Variants in ADAP1 observed in about 807,000 individuals in gnomAD.
ADAP1 encodes the protein ArfGAP with dual PH domains 1, also known as arf-GAP with dual PH domain-containing protein 1.
In ADAP1, 31 loss-of-function variants were observed where a neutral mutation model predicts 54.9. The ratio of observed to expected loss-of-function variants is 0.56; its 90% confidence interval spans 0.42 to 0.76. The LOEUF is 0.76. ADAP1 is among the 30% of genes least tolerant of loss of function. ADAP1 has a pLI of 0.00. For missense variants in ADAP1, 535 were observed against 512.4 expected, an observed-to-expected ratio of 1.04 and a Z score of -0.42; for synonymous variants, 313 against 202.6, an observed-to-expected ratio of 1.55 and a Z score of -4.63.
At chr7:909,991 T>G (rs1232658336) in intron 4 of ADAP1, among the ~76,000 whole-genome samples, 1 of 152,218 alleles carries the variant, frequency 6.6e-6, no homozygotes, top group African/African-American at 2.4e-5. Context: ...GGAGCCCTTC[T>G]GCCCACCGCA....
intron 3 of ADAP1, among the ~76,000 whole-genome samples, chr7:923,685 C>A (rs1846267914): frequency 6.6e-6 from 1 of 152,166 alleles, no homozygotes; most frequent in African/African-American, 2.4e-5. Context: ...CTGGAGGGAC[C>A]CCAGTGTGTG....
At chr7:950,130 C>G (rs1227473136) in intron 1 of ADAP1, among the ~76,000 whole-genome samples, 1 of 152,200 alleles carries the variant, frequency 6.6e-6, no homozygotes, top group Non-Finnish European at 1.5e-5. Flanking sequence ...GAAATCCCAG[C>G]ACTCGCCACA....
chr7:921,141 C>T (rs1846178775), intron 3 of ADAP1, among the ~76,000 whole-genome samples: 1 of 152,192 alleles, frequency 6.6e-6, no homozygotes, highest in African/African-American at 2.4e-5. Flanking sequence ...AGGCGTCGGC[C>T]GAGCTGGTCC....
Position 898,775 on chromosome 7 carries a change from A to C in ADAP1, c.*146T>G. 9.3e-7 allele frequency: 1 copy of C among 1,069,522 alleles called. No individual in the cohort carries two copies. Among genetic ancestry groups the C allele is most frequent in the African/African-American group, 1.6e-5 (1 of 63,430 alleles). The allele number at this position is 1,069,522 out of a possible 1,614,324, so 66.3% of individuals were successfully genotyped here. A position where few individuals can be genotyped will look rare whatever the true frequency, so the allele number is the denominator to read the frequency against. The stretch of plus-strand genomic sequence containing the variant: ...TTCCAGAGAAGCATCCTGGAAGCTG[A>C]AGCTCGGGCCCTACCTGGCCGCGCC... On this transcript the variant is annotated 3_prime_UTR_variant, in exon 11 of 11. Transcript: ENST00000265846.
intron 1 of ADAP1, among the ~76,000 whole-genome samples, chr7:935,989 C>T (rs929730233): frequency 3.3e-5 from 5 of 152,240 alleles, no homozygotes; most frequent in African/African-American, 7.2e-5. Flanking sequence ...TGCACACCCC[C>T]GAAGGACGGA....
At chr7:918,470 G>C (rs1187105612) in intron 4 of ADAP1, among the ~76,000 whole-genome samples, 1 of 152,168 alleles carries the variant, frequency 6.6e-6, no homozygotes, top group East Asian at 1.9e-4. Flanking sequence ...GCCTCCCAAA[G>C]TGCTAGGATT....
Position 899,589 on chromosome 7 carries a change from C to T in ADAP1, c.796-99G>A, listed in dbSNP as rs1026195439. The T allele has an allele frequency of 5.5e-5, 76 of 1,381,338 alleles. No homozygotes were observed. In the Admixed American group the frequency reaches 1.1e-3, roughly 20 times the overall value. 85.6% of individuals were successfully genotyped at this position (1,381,338 alleles called of 1,614,324 possible). On this transcript the variant is annotated intron_variant, in intron 8 of 10. Coordinates refer to ENST00000265846, the MANE Select transcript of ADAP1 (RefSeq NM_006869.4). ...CCGGAGGGCAGGGCCCAGACTGGCC[C>T]GGGTCAGTCACCTCCATTCACTCAC...
At chr7:900,675 C>G in intron 6 of ADAP1, 59 bp from the exon 7 acceptor site, 1 of 1,348,512 alleles carries the variant, frequency 7.4e-7, no homozygotes, top group African/African-American at 1.5e-5. Flanking sequence ...GGGGTCCCCA[C>G]AGAGGGGCTG....
rs1418071580 is a variant in ADAP1, at chr7:938,106, T to A, written c.83-2601A>T. Among the ~76,000 whole-genome samples the A allele has an allele frequency of 6.6e-6, 1 of 152,204 alleles. No individual in the cohort carries two copies. Among genetic ancestry groups the A allele is most frequent in the East Asian group, 1.9e-4 (1 of 5,196 alleles). ...TTTTGCCTGTGCTGAGTAGGGCGGC[T>A]TTTGGGAGAAAGAATGCGGTTACAG... On this transcript the variant is annotated intron_variant, in intron 1 of 10. Coordinates refer to ENST00000265846, the MANE Select transcript of ADAP1 (RefSeq NM_006869.4). This position sits in a 1 kb window ranked among gnomAD's most constrained non-coding sequence, Gnocchi z 4.4.
At position 938,270 on chromosome 7, in the gene ADAP1, G is replaced by A. The variant is rs367570940; in HGVS notation, c.83-2765C>T. 2.1e-4 allele frequency among the ~76,000 whole-genome samples: 32 copies of A among 152,012 alleles called. No homozygotes were observed. The highest frequency in any genetic ancestry group is 3.5e-4 in the Non-Finnish European group (24 of 67,992). On this transcript the variant is annotated intron_variant, in intron 1 of 10. Coordinates refer to ENST00000265846, the MANE Select transcript of ADAP1 (RefSeq NM_006869.4). The surrounding 1 kb of genome is among the most constrained non-coding windows in gnomAD (Gnocchi z 4.4). ...CTCACAGCTCACTGCAGCCTCCAAC[G>A]CCTGGGCTCAAGCGATCCTCCTGCC...
intron 4 of ADAP1, among the ~76,000 whole-genome samples, chr7:905,857 AAGGGAG>A (rs1845240898): frequency 1.0e-4 from 6 of 59,434 alleles, no homozygotes; most frequent in East Asian, 6.7e-4. Flanking sequence ...GAGAAGGGAG[AAGGGAG>A]AAGGGAGAAG....
At chr7:906,766 CATGGGGG>C (rs200804632) in intron 4 of ADAP1, among the ~76,000 whole-genome samples, 1 of 13,752 alleles carries the variant, frequency 7.3e-5, no homozygotes, top group Non-Finnish European at 2.5e-4. Flanking sequence ...GGACAGGGGA[CATGGGGG>C]ACAGGGGACA....
Position 898,375 on chromosome 7 carries a change from G to T in ADAP1, c.*546C>A. 5.7e-6 allele frequency: 1 copy of T among 174,710 alleles called. No individual in the cohort carries two copies. The highest frequency in any genetic ancestry group is 1.2e-5 in the Non-Finnish European group (1 of 80,910). The allele number at this position is 174,710 out of a possible 1,614,324, so 10.8% of individuals were successfully genotyped here. On this transcript the variant is annotated 3_prime_UTR_variant, in exon 11 of 11. Transcript: ENST00000265846. Reference sequence around the variant, plus strand: ...CACAGGCTGTGGCAACTCCAGCCCGGGCAGGGGCCGGGACCTGTGTGGATA... The same window carrying T: ...CACAGGCTGTGGCAACTCCAGCCCGTGCAGGGGCCGGGACCTGTGTGGATA...
intron 1 of ADAP1, among the ~76,000 whole-genome samples, chr7:951,034 G>A (rs1007573680): frequency 2.6e-5 from 4 of 151,926 alleles, no homozygotes; most frequent in African/African-American, 9.7e-5. Context: ...ACGTGCTCAA[G>A]GCCCTGGAAC....
Position 910,069 on chromosome 7 carries a change from G to GTA in ADAP1, c.389-4898_389-4897insTA, listed in dbSNP as rs71020543. ...GAGAACGGCAAAACCAAACCAGTGT[G>GTA]CACACACAGGCGCCCGACTGTGGGC... On this transcript the variant is annotated intron_variant, in intron 4 of 10. Transcript: ENST00000265846. 5.1e-4 allele frequency among the ~76,000 whole-genome samples: 77 copies of GTA among 152,106 alleles called. 1 individual carries two copies. The highest frequency in any genetic ancestry group is 1.8e-3 in the African/African-American group (73 of 41,534).
intron 2 of ADAP1, 199 bp downstream of exon 2, chr7:935,176 G>A (rs932283060): frequency 1.6e-5 from 12 of 770,848 alleles, no homozygotes; most frequent in Middle Eastern, 3.0e-4. Flanking sequence ...GGTTGGACCC[G>A]GCACGGGGTG....
At chr7:954,795 C>T, upstream of ADAP1, 2 of 829,662 alleles carry the variant, frequency 2.4e-6, no homozygotes, top group Non-Finnish European at 2.9e-6. Context: ...GCGCCCCCAG[C>T]CCGCGCGCCC....
At chr7:906,619 A>G (rs200195560) in intron 4 of ADAP1, among the ~76,000 whole-genome samples, 1 of 79,656 alleles carries the variant, frequency 1.3e-5, no homozygotes, top group Non-Finnish European at 2.5e-5. Context: ...GAGAAAGGGA[A>G]AGGAGAAAGG....
At chr7:905,747 G>GGAGAAAGGAGAAAGGAGAAAGGGAAA (rs1562912833) in intron 4 of ADAP1, 1 of 3,604 alleles carries the variant, frequency 2.8e-4, no homozygotes, top group Non-Finnish European at 5.0e-4. Flanking sequence ...GAAAGGAGAA[G>GGAGAAAGGAGAAAGGAGAAAGGGAAA]GGAGAAGGGA....
Sources: gnomAD v4.1 joint callset for allele counts (sites outside exome capture counted in the v4.1 genomes callset) on GRCh38, gnomAD v4.1.1 for gene constraint, Gnocchi (gnomAD v3.1) non-coding constraint, MANE v1.5 for transcripts, NCBI Gene and HGNC (gene_info 2026-07-23, HGNC 2026-07-21) for gene names.